The following TMEM68 variants were observed in gnomAD, a reference collection of about 807,000 sequenced individuals.
TMEM68 encodes transmembrane protein 68.
Under a neutral mutation model 36.9 loss-of-function variants are expected in TMEM68, and 25 were observed. The observed-to-expected ratio is 0.68, with a 90% CI of 0.49 to 0.95. The LOEUF (loss-of-function observed/expected upper bound fraction) is 0.95. TMEM68 is among the 40% of genes least tolerant of loss of function. TMEM68 has a pLI of 0.00. For synonymous variants in TMEM68, 131 were observed against 124.4 expected (o/e 1.05, Z -0.35); for missense variants, 333 against 392.0 (o/e 0.85, Z 1.27).
rs114881368 is a variant in TMEM68, at chr8:55,756,932, A to G, written c.326-521T>C. Among the ~76,000 whole-genome samples the G allele has an allele frequency of 5.3e-3, 814 of 152,156 alleles. 7 individuals carry two copies. Among genetic ancestry groups the G allele is most frequent in the South Asian group, 0.037 (180 of 4,812 alleles). On this transcript the variant is annotated intron_variant, in intron 3 of 7. Coordinates refer to ENST00000434581, the MANE Select transcript of TMEM68 (RefSeq NM_001286657.2). ...CCTGAGCAGCTGGACAGGGCACTGTACAGAGTGGTGGCCTGGCACAAGCAG... is the reference window on the plus strand; with the variant it reads ...CCTGAGCAGCTGGACAGGGCACTGTGCAGAGTGGTGGCCTGGCACAAGCAG...
At chr8:55,757,690 G>A (rs1042638964) in intron 3 of TMEM68, among the ~76,000 whole-genome samples, 4 of 152,108 alleles carry the variant, frequency 2.6e-5, no homozygotes, top group African/African-American at 4.8e-5. Flanking sequence ...ACCCTCACCA[G>A]CCCAGTGTCA....
intron 1 of TMEM68, among the ~76,000 whole-genome samples, chr8:55,768,706 T>A (rs1283489538): frequency 2.6e-5 from 4 of 151,628 alleles, no homozygotes; most frequent in African/African-American, 9.7e-5. Context: ...ATTAGCCAGG[T>A]GTGGTGATGC....
At chr8:55,743,428 A>G in intron 7 of TMEM68, 53 bp downstream of exon 7, 2 of 1,488,608 alleles carry the variant, frequency 1.3e-6, no homozygotes, top group African/African-American at 1.4e-5. Context: ...TTCAAAATAT[A>G]ATAATTGAAA....
Position 55,756,360 on chromosome 8 carries a change from A to T in TMEM68, c.377T>A (p.Ile126Lys). ...AGGAATAGCTCCATGATAAAAAATT[A>T]TAAGTGCTGGTCCATCTTCTGGTAT... ...EKIPEDGPAL[I>K]IFYHGAIPID... The change falls in exon 4 of 8, where the codon ATA becomes AAA. Residue 126 changes from isoleucine (I) to lysine (K), a missense_variant. Coordinates refer to ENST00000434581, the MANE Select transcript of TMEM68 (RefSeq NM_001286657.2). 1.2e-6 allele frequency: 2 copies of T among 1,603,816 alleles called. No homozygotes were observed. The highest frequency in any genetic ancestry group is 1.7e-6 in the Non-Finnish European group (2 of 1,176,820).
At chr8:55,752,634 ATGTTCAC>A (rs1285797876) in intron 4 of TMEM68, among the ~76,000 whole-genome samples, 1 of 152,136 alleles carries the variant, frequency 6.6e-6, no homozygotes, top group Non-Finnish European at 1.5e-5. Context: ...ATTATATTAA[ATGTTCAC>A]TGATTCAACT....
At chr8:55,752,315 T>C (rs1810444979) in intron 4 of TMEM68, among the ~76,000 whole-genome samples, 2 of 152,002 alleles carry the variant, frequency 1.3e-5, no homozygotes, top group African/African-American at 4.8e-5. Flanking sequence ...AGACCGGGTG[T>C]GGTGGTTCAC....
chr8:55,739,370 T>G lies in TMEM68; in HGVS notation c.*762A>C, dbSNP rs571956425. The G allele has an allele frequency of 2.0e-5, 3 of 152,572 alleles. No homozygotes were observed. Among genetic ancestry groups the G allele is most frequent in the Non-Finnish European group, 4.4e-5 (3 of 68,042 alleles). 9.5% of individuals were successfully genotyped at this position (152,572 alleles called of 1,614,324 possible). A position where few individuals can be genotyped will look rare whatever the true frequency, so the allele number is the denominator to read the frequency against. On this transcript the variant is annotated 3_prime_UTR_variant, in exon 8 of 8. Coordinates refer to ENST00000434581, the MANE Select transcript of TMEM68 (RefSeq NM_001286657.2). ...CAGCACACCCTATATTGTTTGCCTA[T>G]AGACTCTTGTTAAAAATATCATACT...
intron 4 of TMEM68, among the ~76,000 whole-genome samples, chr8:55,754,858 T>C (rs1810549334): frequency 7.4e-6 from 1 of 135,330 alleles, no homozygotes; most frequent in South Asian, 2.1e-4. Flanking sequence ...ATTTATATTA[T>C]ATATAAAATA....
rs556228073 is a variant in TMEM68, at chr8:55,763,303, A to C, written c.-69-275T>G. ...AGAAAATAAAGCTGATGAGGAATATAATTTCAGATTGATTTTAATAATTTG... is the reference window on the plus strand; with the variant it reads ...AGAAAATAAAGCTGATGAGGAATATCATTTCAGATTGATTTTAATAATTTG... On this transcript the variant is annotated intron_variant, in intron 2 of 7. Transcript: ENST00000434581. The C allele has an allele frequency of 1.7e-3, 292 of 169,772 alleles. 1 individual carries two copies. Among genetic ancestry groups the C allele is most frequent in the African/African-American group, 6.5e-3 (276 of 42,294 alleles). 10.5% of individuals were successfully genotyped at this position (169,772 alleles called of 1,614,324 possible).
intron 5 of TMEM68, among the ~76,000 whole-genome samples, chr8:55,748,414 T>G (rs1810342374): frequency 6.6e-6 from 1 of 151,666 alleles, no homozygotes; most frequent in Non-Finnish European, 1.5e-5. Flanking sequence ...TCAAGTGATC[T>G]GCCCACCTCA....
At chr8:55,752,176 G>A (rs1810441426) in intron 4 of TMEM68, among the ~76,000 whole-genome samples, 1 of 151,570 alleles carries the variant, frequency 6.6e-6, no homozygotes, top group African/African-American at 2.4e-5. Context: ...TCACTGCACT[G>A]CAGCCTGGGC....
At chr8:55,754,694 TG>T (rs199800188) in intron 4 of TMEM68, among the ~76,000 whole-genome samples, 3 of 129,176 alleles carry the variant, frequency 2.3e-5, no homozygotes, top group South Asian at 2.2e-4. Context: ...ATATTATATA[TG>T]AAATACATAC....
At position 55,738,952 on chromosome 8, in the gene TMEM68, T is replaced by G. The variant is rs1322178886; in HGVS notation, c.*1180A>C. On this transcript the variant is annotated 3_prime_UTR_variant, in exon 8 of 8. Coordinates refer to ENST00000434581, the MANE Select transcript of TMEM68 (RefSeq NM_001286657.2). ...AAGAAGACAACAAATTGAAAATCATTAATTTTTCAGAGGGCTTTGTGTTCA... is the reference window on the plus strand; with the variant it reads ...AAGAAGACAACAAATTGAAAATCATGAATTTTTCAGAGGGCTTTGTGTTCA... The G allele has an allele frequency of 6.6e-6, 1 of 152,542 alleles. No individual in the cohort carries two copies. Among genetic ancestry groups the G allele is most frequent in the Non-Finnish European group, 1.5e-5 (1 of 68,026 alleles). The allele number at this position is 152,542 out of a possible 1,614,324, so 9.4% of individuals were successfully genotyped here. A position where few individuals can be genotyped will look rare whatever the true frequency, so the allele number is the denominator to read the frequency against.
intron 4 of TMEM68, among the ~76,000 whole-genome samples, chr8:55,752,709 AAT>A (rs1263241556): frequency 2.7e-5 from 4 of 150,378 alleles, no homozygotes; most frequent in African/African-American, 9.8e-5. Flanking sequence ...AATAGGATAA[AAT>A]ATAGGATCCC....
chr8:55,743,360 C>T (rs988973052), intron 7 of TMEM68, 121 bp downstream of exon 7: 63 of 1,261,616 alleles, frequency 5.0e-5, no homozygotes, highest in Non-Finnish European at 6.4e-5. Flanking sequence ...ACAATCACCT[C>T]TGGTTGAGAA....
chr8:55,754,693 ATG>A, intron 4 of TMEM68, among the ~76,000 whole-genome samples: 1 of 129,540 alleles, frequency 7.7e-6, no homozygotes, highest in Non-Finnish European at 1.5e-5. Context: ...TATATTATAT[ATG>A]AAATACATAC....
Position 55,751,265 on chromosome 8 carries a change from A to G in TMEM68, c.494-108T>C, listed in dbSNP as rs546690424. The G allele has an allele frequency of 1.6e-3, 1,564 of 1,004,108 alleles. 4 individuals are homozygous for G. Among genetic ancestry groups the G allele is most frequent in the Non-Finnish European group, 2.1e-3 (1,460 of 705,628 alleles). The allele number at this position is 1,004,108 out of a possible 1,614,324, so 62.2% of individuals were successfully genotyped here. ...GTGTACTATTTATACTTAAATCAGT[A>G]AACTTTTTTACTTGTTAAAATCAAC... On this transcript the variant is annotated intron_variant, in intron 4 of 7. Coordinates refer to ENST00000434581, the MANE Select transcript of TMEM68 (RefSeq NM_001286657.2).
At position 55,751,052 on chromosome 8, in the gene TMEM68, A is replaced by T. The variant is rs1198197393; in HGVS notation, c.599T>A (p.Val200Asp). Reference protein sequence around the residue: ...GHLLAISPGGVREALISDETY... With the variant: ...GHLLAISPGGDREALISDETY... ...TTCATCACTAATTAGGGCTTCTCGA[A>T]CTCCACCTGGTGAGATAGCTAACAA... Residue 200 changes from valine (V) to aspartate (D), a missense_variant, in exon 5 of 8, where the codon GTT (valine) becomes GAT (aspartate). Transcript: ENST00000434581. 1 of 1,614,034 alleles carries T rather than the reference A, an allele frequency of 6.2e-7. No homozygotes were observed. The highest frequency in any genetic ancestry group is 8.5e-7 in the Non-Finnish European group (1 of 1,179,988).
At chr8:55,753,345 C>A (rs61166859) in intron 4 of TMEM68, among the ~76,000 whole-genome samples, 5,828 of 151,390 alleles carry the variant, frequency 0.038, 177 homozygotes, top group African/African-American at 0.075. Flanking sequence ...TAAAAAAAAA[C>A]CCCACAAAAC....
Sources: gnomAD v4.1 joint callset for allele counts (sites outside exome capture counted in the v4.1 genomes callset) on GRCh38, gnomAD v4.1.1 for gene constraint, MANE v1.5 for transcripts, NCBI Gene and HGNC (gene_info 2026-07-23, HGNC 2026-07-21) for gene names.